The following CEP43 variants were observed in gnomAD, a reference collection of about 807,000 sequenced individuals.
CEP43 encodes the protein FGFR1 oncogene partner.
In CEP43, 36 loss-of-function variants were observed where a neutral mutation model predicts 52.6. That is an observed-to-expected ratio of 0.68 (90% CI 0.52 to 0.90). The LOEUF is 0.90. Among genes scored for constraint, CEP43 ranks in the 40% least tolerant of loss-of-function variants. The probability of loss-of-function intolerance (pLI) is 0.00; values close to 1 mark genes in which losing one functional copy is unlikely to be tolerated. For synonymous variants in CEP43, 192 were observed against 172.4 expected (o/e 1.11, Z -0.89); for missense variants, 506 against 472.8 (o/e 1.07, Z -0.65).
In CEP43 at chr6:167,041,968, TG is replaced by T. The variant is rs1780708794; in HGVS notation, c.*1991del. ...CCTCCTGAGTAGCTGGGATTACAGG[TG>T]CACACCACCACGCCCGGCTAATTTT... On this transcript the variant is annotated 3_prime_UTR_variant, in exon 13 of 13. Transcript: ENST00000366847. 5.1e-6 allele frequency: 2 copies of T among 392,730 alleles called. No homozygotes were observed. The highest frequency in any genetic ancestry group is 1.1e-4 in the South Asian group (1 of 9,276). 24.3% of individuals were successfully genotyped at this position (392,730 alleles called of 1,614,324 possible).
chr6:167,003,394 A>G, intron 3 of CEP43, 147 bp downstream of exon 3: 1 of 525,604 alleles, frequency 1.9e-6, no homozygotes. Context: ...TTGTACAACA[A>G]TCGTGTTGCT....
In CEP43 at chr6:167,041,949, G is replaced by A; in HGVS notation, c.*1971G>A. On this transcript the variant is annotated 3_prime_UTR_variant, in exon 13 of 13. Transcript: ENST00000366847. ...AGCGATTCTCCTGCTTCAGCCTCCT[G>A]AGTAGCTGGGATTACAGGTGCACAC... 4.5e-6 allele frequency: 2 copies of A among 443,280 alleles called. No homozygotes were observed. Among genetic ancestry groups the A allele is most frequent in the Non-Finnish European group, 6.1e-6 (2 of 329,946 alleles). The allele number at this position is 443,280 out of a possible 1,614,324, so 27.5% of individuals were successfully genotyped here. A position where few individuals can be genotyped will look rare whatever the true frequency, so the allele number is the denominator to read the frequency against.
At chr6:167,004,451 A>C in intron 5 of CEP43, 50 bp downstream of exon 5, 1 of 1,520,908 alleles carries the variant, frequency 6.6e-7, no homozygotes, top group Non-Finnish European at 8.9e-7. Context: ...TTGGCTGCTT[A>C]GTTTAGCCAT....
Position 167,022,485 on chromosome 6 carries a change from T to TA in CEP43, c.657dup (p.Leu220ThrfsTer4). On this transcript the variant is annotated frameshift_variant, in exon 8 of 13. Transcript: ENST00000366847. LOFTEE classifies it high-confidence loss of function. ...CCCAAGAGCAAAAGCAGCCTTCACT[T>TA]ACTGTCCCATGAAACAAAAATTGGA... 1 of 1,614,080 alleles carries TA rather than the reference T, an allele frequency of 6.2e-7. No homozygotes were observed. The highest frequency in any genetic ancestry group is 1.1e-5 in the South Asian group (1 of 91,072).
chr6:167,009,842 AAG>A (rs1356650202), intron 5 of CEP43, among the ~76,000 whole-genome samples: 1 of 151,118 alleles, frequency 6.6e-6, no homozygotes, highest in Non-Finnish European at 1.5e-5. Context: ...TTTCAAAAAA[AAG>A]AAAAATAAAA....
At position 167,026,856 on chromosome 6, in the gene CEP43, A is replaced by G. The variant is rs372064603; in HGVS notation, c.988+241A>G. 2.0e-4 allele frequency among the ~76,000 whole-genome samples: 31 copies of G among 152,364 alleles called. No individual in the cohort carries two copies. The South Asian group carries it at 6.2e-3, about 31-fold the overall frequency. Reference sequence around the variant, plus strand: ...TGGAGTTTAAATTCTGGTCAGGAATATGAACATTAAACGGGCATCTACAGA... The same window carrying G: ...TGGAGTTTAAATTCTGGTCAGGAATGTGAACATTAAACGGGCATCTACAGA... On this transcript the variant is annotated intron_variant, in intron 10 of 12. Transcript: ENST00000366847.
Position 167,044,546 on chromosome 6 carries a change from GCAGA to G in CEP43, c.*4573_*4576del, listed in dbSNP as rs1780762935. 1 of 985,302 alleles carries G rather than the reference GCAGA, an allele frequency of 1.0e-6. No homozygotes were observed. The highest frequency in any genetic ancestry group is 1.7e-5 in the African/African-American group (1 of 57,236). The allele number at this position is 985,302 out of a possible 1,614,324, so 61.0% of individuals were successfully genotyped here. A position where few individuals can be genotyped will look rare whatever the true frequency, so the allele number is the denominator to read the frequency against. The stretch of plus-strand genomic sequence containing the variant: ...GGTGTGCACCGGGTGAATGAGAGTG[GCAGA>G]CAGAAGGAAACAGCAAGGCCTCTGA... On this transcript the variant is annotated 3_prime_UTR_variant, in exon 13 of 13. Transcript: ENST00000366847.
At chr6:167,035,572 T>G (rs932234288) in intron 12 of CEP43, among the ~76,000 whole-genome samples, 2 of 128,692 alleles carry the variant, frequency 1.6e-5, no homozygotes, top group African/African-American at 3.3e-5. Flanking sequence ...CTTTTTTTTG[T>G]TTTTTTTTTT....
intron 2 of CEP43, 128 bp downstream of exon 2, chr6:167,000,241 C>T (rs7744664): frequency 0.034 from 23,187 of 691,262 alleles, 1,296 homozygotes; most frequent in African/African-American, 0.19. Context: ...TTAAGGATTA[C>T]ATTACTATTG....
At chr6:167,009,638 C>G (rs778890280) in intron 5 of CEP43, among the ~76,000 whole-genome samples, 141 of 146,406 alleles carry the variant, frequency 9.6e-4, no homozygotes, top group Non-Finnish European at 1.8e-3. Context: ...GCACTCTAAC[C>G]TGGACAACAA....
At chr6:167,036,161 C>A (rs1191439791) in intron 12 of CEP43, 2 of 985,372 alleles carry the variant, frequency 2.0e-6, no homozygotes, top group East Asian at 2.3e-4. Flanking sequence ...GCCAGTCATT[C>A]ATGGGCCATG....
intron 10 of CEP43, chr6:167,027,880 C>G (rs1421082903): frequency 1.0e-6 from 1 of 985,484 alleles, no homozygotes; most frequent in Non-Finnish European, 1.2e-6. Context: ...AATAAATGTT[C>G]CCTGAGCTGC....
At chr6:167,004,134 C>A in intron 4 of CEP43, 130 bp from the exon 5 acceptor site, 2 of 996,092 alleles carry the variant, frequency 2.0e-6, no homozygotes, top group Non-Finnish European at 2.8e-6. Context: ...TTAAAATAGA[C>A]ATTTCATTCA....
chr6:167,030,525 C>G (rs558795719), intron 10 of CEP43, among the ~76,000 whole-genome samples: 81 of 152,286 alleles, frequency 5.3e-4, no homozygotes, highest in South Asian at 2.1e-3. Context: ...CTGACATGTC[C>G]CTCCTGACTG....
At position 167,034,496 on chromosome 6, in the gene CEP43, C is replaced by T. The variant is rs923266159; in HGVS notation, c.1125+525C>T. Among the ~76,000 whole-genome samples, 3 of 152,154 alleles carry T rather than the reference C, an allele frequency of 2.0e-5. No individual in the cohort carries two copies. The East Asian group carries it at 5.8e-4, about 29-fold the overall frequency. ...TTATGTGGGTGGAGAACAGAAGATCCTTCGATGGTGAGCTGTAGCATTGCA... is the reference window on the plus strand; with the variant it reads ...TTATGTGGGTGGAGAACAGAAGATCTTTCGATGGTGAGCTGTAGCATTGCA... On this transcript the variant is annotated intron_variant, in intron 12 of 12. Coordinates refer to ENST00000366847, the MANE Select transcript of CEP43 (RefSeq NM_007045.4).
intron 7 of CEP43, among the ~76,000 whole-genome samples, chr6:167,021,715 T>C (rs1274834190): frequency 2.6e-5 from 4 of 151,018 alleles, no homozygotes; most frequent in Admixed American, 6.6e-5. Flanking sequence ...CATAGAGAAA[T>C]ACACACACAC....
intron 6 of CEP43, among the ~76,000 whole-genome samples, chr6:167,013,248 C>G (rs1255781344): frequency 6.6e-6 from 1 of 152,198 alleles, no homozygotes; most frequent in Non-Finnish European, 1.5e-5. Flanking sequence ...AGAGCTGATT[C>G]TCCACCCAGT....
In CEP43 at chr6:167,047,707, C is replaced by T. The variant is rs191285019; in HGVS notation, c.*7729C>T. The T allele has an allele frequency of 4.6e-5, 7 of 152,278 alleles. No homozygotes were observed. Among genetic ancestry groups the T allele is most frequent in the Non-Finnish European group, 7.4e-5 (5 of 68,010 alleles). 9.4% of individuals were successfully genotyped at this position (152,278 alleles called of 1,614,324 possible). A position where few individuals can be genotyped will look rare whatever the true frequency, so the allele number is the denominator to read the frequency against. On this transcript the variant is annotated 3_prime_UTR_variant, in exon 13 of 13. Transcript: ENST00000366847. ...GATGTCACTTCCTCCTCAAAGCTCT[C>T]GCCCCGCGCCGAGCTACTGTGATGT...
rs1780527617 is a variant in CEP43, at chr6:167,033,922, T to G, written c.1076T>G (p.Ile359Arg). The change falls in exon 12 of 13, where the codon ATA becomes AGA. Residue 359 changes from isoleucine to arginine, a missense_variant. Coordinates refer to ENST00000366847, the MANE Select transcript of CEP43 (RefSeq NM_007045.4). ...EKSEISIGEEIEEDLSVEIDD... is the reference protein window; with the variant it reads ...EKSEISIGEEREEDLSVEIDD... ...AGTGAGATAAGTATTGGTGAAGAGATAGAAGAAGACCTTTCTGTGGAAATA... is the reference window on the plus strand; with the variant it reads ...AGTGAGATAAGTATTGGTGAAGAGAGAGAAGAAGACCTTTCTGTGGAAATA... The G allele has an allele frequency of 6.2e-7, 1 of 1,602,912 alleles. No individual in the cohort carries two copies. The highest frequency in any genetic ancestry group is 1.1e-5 in the South Asian group (1 of 89,598).
Sources: allele counts gnomAD v4.1 joint callset (sites outside exome capture counted in the v4.1 genomes callset), GRCh38; gene constraint gnomAD v4.1.1; transcripts MANE v1.5; gene names NCBI Gene and HGNC (gene_info 2026-07-23, HGNC 2026-07-21).